Variants in RPL28 observed in about 807,000 individuals in gnomAD.
RPL28 encodes ribosomal protein L28.
In RPL28, 4 loss-of-function variants were observed where a neutral mutation model predicts 12.5. The ratio of observed to expected loss-of-function variants is 0.32; its 90% confidence interval spans 0.16 to 0.73. The LOEUF is 0.73. Ranked by LOEUF, RPL28 falls within the 30% of genes least tolerant of loss-of-function variation. The probability of loss-of-function intolerance (pLI) is 0.66; values close to 1 mark genes in which losing one functional copy is unlikely to be tolerated. For missense variants in RPL28, 214 were observed against 197.7 expected (o/e 1.08, Z -0.49); for synonymous variants, 91 against 72.5 (o/e 1.26, Z -1.30).
intron 4 of RPL28, among the ~76,000 whole-genome samples, chr19:55,398,656 T>C (rs777498836): frequency 1.3e-4 from 20 of 152,212 alleles, no homozygotes; most frequent in Non-Finnish European, 1.8e-4. Flanking sequence ...GTTTTTTTCT[T>C]ATTCGTTTGT....
chr19:55,396,426 G>GT (rs200322583), downstream of RPL28, among the ~76,000 whole-genome samples: 563 of 146,070 alleles, frequency 3.9e-3, 9 homozygotes, highest in African/African-American at 0.013. Flanking sequence ...AACCACCCAA[G>GT]TATTCAACCC....
Position 55,387,258 on chromosome 19 carries a change from C to T in RPL28, c.205+565C>T, listed in dbSNP as rs764602315. On this transcript the variant is annotated intron_variant, in intron 3 of 4. Transcript: ENST00000344063. ...GGAGGAGTCCAGCTTCACATGTGTTCTTGACAGGGCTGTATTTTCTTTTTA... is the reference window on the plus strand; with the variant it reads ...GGAGGAGTCCAGCTTCACATGTGTTTTTGACAGGGCTGTATTTTCTTTTTA... 2.8e-5 allele frequency: 43 copies of T among 1,548,358 alleles called. 1 individual carries two copies. Among genetic ancestry groups the T allele is most frequent in the Non-Finnish European group, 3.6e-5 (41 of 1,144,094 alleles).
downstream of RPL28, among the ~76,000 whole-genome samples, chr19:55,393,232 CT>C (rs2090002369): frequency 6.9e-6 from 1 of 143,990 alleles, no homozygotes; most frequent in South Asian, 2.2e-4. Context: ...GTCATCCTCC[CT>C]TGGCCGACGC....
Position 55,388,459 on chromosome 19 carries a change from C to T in RPL28, c.*127C>T. ...TCATTCAGGCCATGTCATCAAAACT[C>T]TGCATGTCACCTTGTCCATCTGGAG... is the stretch of plus-strand genomic sequence containing the variant. On this transcript the variant is annotated 3_prime_UTR_variant, in exon 5 of 5. Transcript: ENST00000344063. 2 of 1,349,694 alleles carry T rather than the reference C, an allele frequency of 1.5e-6. No homozygotes were observed. The highest frequency in any genetic ancestry group is 1.9e-6 in the Non-Finnish European group (2 of 1,045,472). The allele number at this position is 1,349,694 out of a possible 1,614,324, so 83.6% of individuals were successfully genotyped here. A position where few individuals can be genotyped will look rare whatever the true frequency, so the allele number is the denominator to read the frequency against.
chr19:55,403,026 C>A, exon 5 of RPL28: 1 of 1,501,602 alleles, frequency 6.7e-7, no homozygotes, highest in Non-Finnish European at 9.0e-7. Flanking sequence ...TCAGCAACAC[C>A]GCAGCCAGGT....
downstream of RPL28, among the ~76,000 whole-genome samples, chr19:55,395,158 CAG>C (rs1352069983): frequency 2.6e-5 from 4 of 151,570 alleles, no homozygotes; most frequent in African/African-American, 9.7e-5. Context: ...TTTTTTGAGA[CAG>C]AGTTTCACTC....
chr19:55,386,656 C>T lies in RPL28; in HGVS notation c.168C>T (p.Asp56=), dbSNP rs895647215. ...CTGTGGGCGTGGAGCCGGCAGCCGA[C>T]GGCAAAGGTGTCGTGGTGGTCATTA... is the stretch of plus-strand genomic sequence containing the variant. The part of the protein sequence containing the change: ...RKTVGVEPAA[D]GKGVVVVIKR... Residue 56 remains aspartate, a synonymous_variant, in exon 3 of 5, where the codon GAC becomes GAT. Transcript: ENST00000344063. 2.5e-6 allele frequency: 4 copies of T among 1,614,038 alleles called. No homozygotes were observed. The highest frequency in any genetic ancestry group is 2.7e-5 in the African/African-American group (2 of 74,940).
intron 4 of RPL28, chr19:55,400,252 T>C (rs2090047209): frequency 6.6e-6 from 1 of 152,262 alleles, no homozygotes; most frequent in South Asian, 2.1e-4. Context: ...CTTTAACTCC[T>C]GGCCTCAAGT....
At chr19:55,397,962 G>A (rs979846653) in intron 4 of RPL28, among the ~76,000 whole-genome samples, 1 of 152,052 alleles carries the variant, frequency 6.6e-6, no homozygotes, top group African/African-American at 2.4e-5. Context: ...TTGGGAGGCC[G>A]AGGCAGGCGG....
chr19:55,393,633 T>C (rs2090005484), downstream of RPL28, among the ~76,000 whole-genome samples: 1 of 143,362 alleles, frequency 7.0e-6, no homozygotes, highest in African/African-American at 2.6e-5. Flanking sequence ...ACCAATTTGT[T>C]TTTTTTTTTT....
chr19:55,396,870 G>A (rs920253799), downstream of RPL28, among the ~76,000 whole-genome samples: 4 of 150,096 alleles, frequency 2.7e-5, no homozygotes, highest in African/African-American at 4.9e-5. Flanking sequence ...GTGAGCCACG[G>A]TGCCTGGCCT....
rs1183510027 is a variant in RPL28 at position 55,385,965 on chromosome 19, G to C, written c.-9G>C. On this transcript the variant is annotated splice_region_variant and 5_prime_UTR_variant, in exon 1 of 5. Transcript: ENST00000344063. Reference sequence around the variant, plus strand: ...GTCTCAGGTCGCCGCTGCGAAGGGAGGTGAGCGTTCGTCTTCCTCGCGTGG... The same window carrying C: ...GTCTCAGGTCGCCGCTGCGAAGGGACGTGAGCGTTCGTCTTCCTCGCGTGG... 7.8e-6 allele frequency: 2 copies of C among 257,132 alleles called. No individual in the cohort carries two copies. Among genetic ancestry groups the C allele is most frequent in the African/African-American group, 2.2e-5 (1 of 45,350 alleles). 15.9% of individuals were successfully genotyped at this position (257,132 alleles called of 1,614,324 possible).
At chr19:55,399,752 A>T (rs959579140) in intron 4 of RPL28, 2 of 152,212 alleles carry the variant, frequency 1.3e-5, no homozygotes, top group African/African-American at 4.8e-5. Context: ...GGCTAAGGGC[A>T]AATATTATTT....
intron 4 of RPL28, among the ~76,000 whole-genome samples, chr19:55,399,465 C>A (rs547583417): frequency 6.6e-6 from 1 of 152,336 alleles, no homozygotes; most frequent in Admixed American, 6.5e-5. Context: ...CCCCACCCAA[C>A]CTTGTTTAGT....
At chr19:55,387,735 C>G (rs1402021165) in intron 3 of RPL28, 195 bp from the exon 4 acceptor site, 9 of 1,440,478 alleles carry the variant, frequency 6.2e-6, no homozygotes, top group Non-Finnish European at 8.1e-6. Flanking sequence ...AAGCTGTGTC[C>G]TCAGTACTCC....
At chr19:55,401,059 T>G in intron 4 of RPL28, 7 of 242,304 alleles carry the variant, frequency 2.9e-5, no homozygotes, top group Non-Finnish European at 5.7e-5. Context: ...CCTCGCCCCA[T>G]TTTAGATTGG....
In RPL28 at chr19:55,388,985, C is replaced by T. The variant is rs2089963494; in HGVS notation, c.*653C>T. On this transcript the variant is annotated 3_prime_UTR_variant, in exon 5 of 5. Coordinates refer to ENST00000344063, the MANE Select transcript of RPL28 (RefSeq NM_000991.5). ...CCCCCTACTCCCGTCCTCCAGGTGTCCCCATCCCTCCCCTGTCTCTTTGAG... is the reference window on the plus strand; with the variant it reads ...CCCCCTACTCCCGTCCTCCAGGTGTTCCCATCCCTCCCCTGTCTCTTTGAG... 2.0e-6 allele frequency: 2 copies of T among 985,352 alleles called. No individual in the cohort carries two copies. Among genetic ancestry groups the T allele is most frequent in the Non-Finnish European group, 2.4e-6 (2 of 829,978 alleles). The allele number at this position is 985,352 out of a possible 1,614,324, so 61.0% of individuals were successfully genotyped here. A position where few individuals can be genotyped will look rare whatever the true frequency, so the allele number is the denominator to read the frequency against.
intron 4 of RPL28, chr19:55,402,901 CA>C: frequency 6.6e-7 from 1 of 1,505,792 alleles, no homozygotes; most frequent in South Asian, 1.2e-5. Context: ...CCATGTGCCC[CA>C]GGGACTCATT....
intron 3 of RPL28, chr19:55,387,562 T>A (rs1340182602): frequency 7.0e-7 from 1 of 1,426,846 alleles, no homozygotes; most frequent in Admixed American, 2.9e-5. Context: ...GTTGAACCAC[T>A]GCTGTGGGGA....
Sources: allele counts gnomAD v4.1 joint callset (sites outside exome capture counted in the v4.1 genomes callset), GRCh38; gene constraint gnomAD v4.1.1; transcripts MANE v1.5; gene names NCBI Gene and HGNC (gene_info 2026-07-23, HGNC 2026-07-21).